PPFIA2: variants seen among roughly 807,000 people sequenced by gnomAD.
PPFIA2 encodes the protein liprin-alpha-2.
PPFIA2 carries 46 observed loss-of-function variants against 175.5 expected under a neutral mutation model. The observed-to-expected ratio is 0.26, with a 90% CI of 0.21 to 0.34. The LOEUF is 0.34. Ranked by LOEUF, PPFIA2 falls within the 10% of genes least tolerant of loss-of-function variation. PPFIA2 has a pLI of 1.00. For missense variants in PPFIA2, 1,179 were observed against 1,506.1 expected (o/e 0.78, Z 3.60); for synonymous variants, 568 against 511.4 (o/e 1.11, Z -1.49).
intron 7 of PPFIA2, among the ~76,000 whole-genome samples, chr12:81,412,067 C>T (rs775083069): frequency 1.3e-5 from 2 of 151,646 alleles, no homozygotes; most frequent in Non-Finnish European, 2.9e-5. Flanking sequence ...AATGTCCTCC[C>T]TAAAAGAGAG....
chr12:81,598,246 G>T, intron 4 of PPFIA2: 1 of 1,346,064 alleles, frequency 7.4e-7, no homozygotes, highest in Admixed American at 3.4e-5. Context: ...CTTTTGTGAA[G>T]CTAGTTCTCT....
At chr12:81,422,148 A>ATG (rs1245397353) in intron 7 of PPFIA2, among the ~76,000 whole-genome samples, 12 of 67,490 alleles carry the variant, frequency 1.8e-4, no homozygotes, top group African/African-American at 7.7e-4. Context: ...GTGTATATAT[A>ATG]TGTGTGTATA....
chr12:81,671,257 T>C (rs925453904), intron 4 of PPFIA2, among the ~76,000 whole-genome samples: 1 of 151,980 alleles, frequency 6.6e-6, no homozygotes, highest in African/African-American at 2.4e-5. Flanking sequence ...GGCCTCAGTC[T>C]GCTTCCAAAC....
At chr12:81,590,715 G>A (rs2058577680) in intron 4 of PPFIA2, among the ~76,000 whole-genome samples, 1 of 151,996 alleles carries the variant, frequency 6.6e-6, no homozygotes, top group Non-Finnish European at 1.5e-5. Context: ...CCCTGCCCAA[G>A]CTCTCTCTCT....
intron 3 of PPFIA2, among the ~76,000 whole-genome samples, chr12:81,745,003 C>T (rs1028908674): frequency 5.9e-5 from 9 of 152,124 alleles, no homozygotes; most frequent in African/African-American, 2.2e-4. Flanking sequence ...TGAGATGATA[C>T]CTCTACCCAG....
chr12:81,424,033 T>C (rs2046744457), intron 7 of PPFIA2, among the ~76,000 whole-genome samples: 1 of 152,066 alleles, frequency 6.6e-6, no homozygotes, highest in Admixed American at 6.6e-5. Flanking sequence ...ATAAACTTAA[T>C]CAAAGTGGTA....
chr12:81,728,790 G>A (rs1048312584), intron 3 of PPFIA2, among the ~76,000 whole-genome samples: 2 of 151,272 alleles, frequency 1.3e-5, no homozygotes, highest in Admixed American at 1.3e-4. Context: ...GAATTCTAAG[G>A]TGACTACCAG....
chr12:81,655,434 A>G (rs1264469294), intron 4 of PPFIA2, among the ~76,000 whole-genome samples: 3 of 151,624 alleles, frequency 2.0e-5, no homozygotes, highest in Admixed American at 6.6e-5. Flanking sequence ...TTTTAAAAAT[A>G]TATTATAAAT....
At chr12:81,589,943 T>C (rs1389441190) in intron 4 of PPFIA2, among the ~76,000 whole-genome samples, 1 of 152,138 alleles carries the variant, frequency 6.6e-6, no homozygotes, top group African/African-American at 2.4e-5. Context: ...AAATCCAAGG[T>C]CTTAGGGATT....
intron 28 of PPFIA2, among the ~76,000 whole-genome samples, chr12:81,275,495 TA>T (rs962437273): frequency 4.0e-5 from 6 of 151,714 alleles, no homozygotes; most frequent in Non-Finnish European, 5.9e-5. Flanking sequence ...TATAGAAACC[TA>T]AAAAAAATCT....
intron 4 of PPFIA2, among the ~76,000 whole-genome samples, chr12:81,582,923 T>C (rs1366870158): frequency 6.6e-6 from 1 of 151,892 alleles, no homozygotes; most frequent in Non-Finnish European, 1.5e-5. Context: ...TTTTTCTATT[T>C]TTTTGAGAAG....
intron 14 of PPFIA2, among the ~76,000 whole-genome samples, chr12:81,364,168 T>C: frequency 6.6e-6 from 1 of 151,712 alleles, no homozygotes; most frequent in East Asian, 1.9e-4. Context: ...CAACAACACG[T>C]GCATACGCCT....
At chr12:81,343,603 G>A (rs961997041) in intron 19 of PPFIA2, among the ~76,000 whole-genome samples, 1 of 151,922 alleles carries the variant, frequency 6.6e-6, no homozygotes, top group African/African-American at 2.4e-5. Flanking sequence ...ACCACATCTC[G>A]AAGATGCTGA....
chr12:81,443,807 T>TAATCATTC (rs1360044893), intron 6 of PPFIA2, among the ~76,000 whole-genome samples: 2 of 150,634 alleles, frequency 1.3e-5, no homozygotes, highest in Admixed American at 1.3e-4. Flanking sequence ...AAAAAACCCT[T>TAATCATTC]AATCATTCTT....
intron 4 of PPFIA2, among the ~76,000 whole-genome samples, chr12:81,516,125 T>C (rs1184063820): frequency 6.6e-6 from 1 of 152,120 alleles, no homozygotes; most frequent in Admixed American, 6.6e-5. Context: ...AAAAGCATAT[T>C]GGATTTGTTT....
At chr12:81,653,459 C>G (rs2067307359) in intron 4 of PPFIA2, among the ~76,000 whole-genome samples, 1 of 152,040 alleles carries the variant, frequency 6.6e-6, no homozygotes, top group African/African-American at 2.4e-5. Flanking sequence ...CTTCTAAAAG[C>G]TCCAAAAGAG....
At chr12:81,266,618 A>C (rs528856768) in intron 30 of PPFIA2, among the ~76,000 whole-genome samples, 35 of 152,206 alleles carry the variant, frequency 2.3e-4, no homozygotes, top group Non-Finnish European at 4.9e-4. Context: ...CTTTATTAAA[A>C]AGCTGAATTT....
At chr12:81,732,711 T>C (rs1258837132) in intron 3 of PPFIA2, among the ~76,000 whole-genome samples, 1 of 151,558 alleles carries the variant, frequency 6.6e-6, no homozygotes, top group Non-Finnish European at 1.5e-5. Flanking sequence ...GCTCATGATA[T>C]GTTAAGTGAA....
intron 3 of PPFIA2, among the ~76,000 whole-genome samples, chr12:81,743,525 A>T (rs571965689): frequency 8.2e-4 from 120 of 146,920 alleles, no homozygotes; most frequent in East Asian, 7.5e-3. Flanking sequence ...CTTTTTTTAA[A>T]AAAAAAAGAG....
Sources: gnomAD v4.1 joint callset for allele counts (sites outside exome capture counted in the v4.1 genomes callset) on GRCh38, gnomAD v4.1.1 for gene constraint, MANE v1.5 for transcripts, NCBI Gene and HGNC (gene_info 2026-07-23, HGNC 2026-07-21) for gene names.